The following ALG6 variants were observed in gnomAD, a reference collection of about 807,000 sequenced individuals.
ALG6 encodes the protein dolichyl pyrophosphate Man9GlcNAc2 alpha-1,3-glucosyltransferase.
Under a neutral mutation model 66.6 loss-of-function variants are expected in ALG6, and 46 were observed. The observed-to-expected ratio is 0.69, with a 90% CI of 0.55 to 0.88. ALG6 has a LOEUF of 0.88. ALG6 is among the 40% of genes least tolerant of loss of function. The pLI is 0.00. For missense variants in ALG6, 505 were observed against 586.8 expected (o/e 0.86, Z 1.44); for synonymous variants, 185 against 203.7 (o/e 0.91, Z 0.78).
At chr1:63,411,786 T>A (rs1644517676) in intron 8 of ALG6, 140 bp from the exon 9 acceptor site, 1 of 1,171,674 alleles carries the variant, frequency 8.5e-7, no homozygotes, top group Non-Finnish European at 1.3e-6. Flanking sequence ...TTGAGCACAC[T>A]CCCATCTTAA....
intron 12 of ALG6, among the ~76,000 whole-genome samples, chr1:63,423,663 A>G (rs928235625): frequency 6.6e-6 from 1 of 152,210 alleles, no homozygotes; most frequent in African/African-American, 2.4e-5. Flanking sequence ...TCCATGTTGT[A>G]TCAGAACTGT....
At chr1:63,413,198 G>A (rs1202321647) in intron 9 of ALG6, among the ~76,000 whole-genome samples, 1 of 152,160 alleles carries the variant, frequency 6.6e-6, no homozygotes, top group African/African-American at 2.4e-5. Context: ...TAGCAGAACT[G>A]TGACTTGAAC....
chr1:63,435,076 A>G (rs566779992), intron 14 of ALG6, among the ~76,000 whole-genome samples: 3 of 152,212 alleles, frequency 2.0e-5, no homozygotes, highest in Non-Finnish European at 2.9e-5. Flanking sequence ...ATGTTTGACT[A>G]TAGCAGTTTC....
chr1:63,371,852 C>T (rs1395455345), intron 2 of ALG6, among the ~76,000 whole-genome samples: 3 of 152,034 alleles, frequency 2.0e-5, no homozygotes, highest in Non-Finnish European at 4.4e-5. Context: ...ATCCACTTGC[C>T]TCGGCCTCCC....
intron 14 of ALG6, among the ~76,000 whole-genome samples, chr1:63,434,979 A>G (rs374625948): frequency 8.5e-5 from 13 of 152,188 alleles, no homozygotes; most frequent in African/African-American, 2.9e-4. Context: ...TTTCAGTGAG[A>G]GGAGAGTGAT....
chr1:63,399,289 A>C (rs1051188210), intron 3 of ALG6, among the ~76,000 whole-genome samples: 1 of 152,218 alleles, frequency 6.6e-6, no homozygotes, highest in Non-Finnish European at 1.5e-5. Context: ...AGCAAGACAG[A>C]ATATTACATG....
chr1:63,415,944 T>A lies in ALG6; in HGVS notation c.974T>A (p.Phe325Tyr). Reference sequence around the variant, plus strand: ...ATACTTCAGCCCTCTTCCAAAGGATTCAAATTTACACTGGTAAGTTTTTCA... The same window carrying A: ...ATACTTCAGCCCTCTTCCAAAGGATACAAATTTACACTGGTAAGTTTTTCA... ...KLILQPSSKG[F>Y]KFTLVSCALS... The change falls in exon 11 of 15, where the codon TTC becomes TAC. Residue 325 changes from phenylalanine to tyrosine, a missense_variant. Coordinates refer to ENST00000263440, the MANE Select transcript of ALG6 (RefSeq NM_013339.4). The A allele has an allele frequency of 6.2e-7, 1 of 1,608,968 alleles. No homozygotes were observed. The highest frequency in any genetic ancestry group is 2.2e-5 in the East Asian group (1 of 44,688).
intron 12 of ALG6, among the ~76,000 whole-genome samples, chr1:63,422,147 A>T (rs1377149910): frequency 2.5e-4 from 13 of 52,552 alleles, no homozygotes; most frequent in South Asian, 2.2e-3. Flanking sequence ...AAATATATAT[A>T]AATATAAATA....
intron 3 of ALG6, among the ~76,000 whole-genome samples, chr1:63,401,895 A>G (rs1471235033): frequency 6.6e-6 from 1 of 152,212 alleles, no homozygotes; most frequent in Non-Finnish European, 1.5e-5. Flanking sequence ...GGAGCCTATC[A>G]ATTTGTGGAC....
At chr1:63,426,548 G>GT (rs1570087995) in intron 12 of ALG6, among the ~76,000 whole-genome samples, 1 of 152,120 alleles carries the variant, frequency 6.6e-6, no homozygotes, top group Non-Finnish European at 1.5e-5. Context: ...CTTATATGTA[G>GT]TAAGTTTTTT....
At chr1:63,378,797 G>A (rs1337065063) in intron 2 of ALG6, among the ~76,000 whole-genome samples, 1 of 149,018 alleles carries the variant, frequency 6.7e-6, no homozygotes, top group Non-Finnish European at 1.5e-5. Flanking sequence ...TTTCTTCACA[G>A]TGCTTCCTTT....
chr1:63,374,403 C>T (rs542226635), intron 2 of ALG6, among the ~76,000 whole-genome samples: 2 of 152,150 alleles, frequency 1.3e-5, no homozygotes, highest in African/African-American at 2.4e-5. Context: ...CGAAGTGGGC[C>T]GATCACATGA....
chr1:63,415,437 T>A (rs1282533848), intron 10 of ALG6, among the ~76,000 whole-genome samples: 1 of 152,190 alleles, frequency 6.6e-6, no homozygotes, highest in African/African-American at 2.4e-5. Context: ...AATCAGATAA[T>A]CAATGTTTGT....
At chr1:63,397,176 T>C (rs1398009634) in intron 3 of ALG6, among the ~76,000 whole-genome samples, 1 of 151,942 alleles carries the variant, frequency 6.6e-6, no homozygotes, top group Non-Finnish European at 1.5e-5. Context: ...AATGAGTATT[T>C]AGGTGTTCAC....
intron 2 of ALG6, among the ~76,000 whole-genome samples, chr1:63,374,287 T>G (rs1347384142): frequency 6.6e-6 from 1 of 152,190 alleles, no homozygotes; most frequent in Admixed American, 6.5e-5. Context: ...GGGAATTTAT[T>G]TAATCTCCTT....
chr1:63,399,404 A>G (rs1644432685), intron 3 of ALG6, among the ~76,000 whole-genome samples: 1 of 152,182 alleles, frequency 6.6e-6, no homozygotes, highest in African/African-American at 2.4e-5. Flanking sequence ...AGGGGATTGT[A>G]TGCACGCAGG....
In ALG6 at chr1:63,414,081, G is replaced by A; in HGVS notation, c.837G>A (p.Trp279Ter). ...GLFEDKVANI[W>*]CSFNVFLKIK... ...TTAAGGATAAAGTAGCCAATATTTG[G>A]TGCAGCTTCAATGTCTTTCTGAAGA... is the stretch of plus-strand genomic sequence containing the variant. The change falls in exon 10 of 15, where the codon TGG becomes TGA. Residue 279 changes from tryptophan to a stop codon, truncating the protein, a stop_gained. Transcript: ENST00000263440. LOFTEE classifies it high-confidence loss of function. 1 of 1,612,196 alleles carries A rather than the reference G, an allele frequency of 6.2e-7. No individual in the cohort carries two copies. The highest frequency in any genetic ancestry group is 8.5e-7 in the Non-Finnish European group (1 of 1,178,626).
At chr1:63,432,660 A>G (rs2100444172) in intron 14 of ALG6, among the ~76,000 whole-genome samples, 1 of 152,338 alleles carries the variant, frequency 6.6e-6, no homozygotes, top group Middle Eastern at 3.4e-3. Context: ...TATTCATCTA[A>G]TTATTATAAT....
At position 63,437,135 on chromosome 1, in the gene ALG6, A is replaced by T; in HGVS notation, c.*115A>T. The T allele has an allele frequency of 2.2e-6, 2 of 927,952 alleles. No homozygotes were observed. The highest frequency in any genetic ancestry group is 3.3e-6 in the Non-Finnish European group (2 of 606,670). 57.5% of individuals were successfully genotyped at this position (927,952 alleles called of 1,614,324 possible). Reference sequence around the variant, plus strand: ...AAATTACCATTTTGAGAACCATGGAACCACAGGAAAGGAAATGGTGAAAAG... The same window carrying T: ...AAATTACCATTTTGAGAACCATGGATCCACAGGAAAGGAAATGGTGAAAAG... On this transcript the variant is annotated 3_prime_UTR_variant, in exon 15 of 15. Coordinates refer to ENST00000263440, the MANE Select transcript of ALG6 (RefSeq NM_013339.4).
Sources: allele counts gnomAD v4.1 joint callset (sites outside exome capture counted in the v4.1 genomes callset), GRCh38; gene constraint gnomAD v4.1.1; transcripts MANE v1.5; gene names NCBI Gene and HGNC (gene_info 2026-07-23, HGNC 2026-07-21).